OSBPL8: variants seen among roughly 807,000 people sequenced by gnomAD.
OSBPL8 encodes the protein oxysterol binding protein like 8, also known as oxysterol-binding protein-related protein 8.
Under a neutral mutation model 125.5 loss-of-function variants are expected in OSBPL8, and 59 were observed. That is an observed-to-expected ratio of 0.47 (90% CI 0.38 to 0.58). The LOEUF is 0.58. Among genes scored for constraint, OSBPL8 ranks in the 20% least tolerant of loss-of-function variants. The pLI is 0.00. For synonymous variants in OSBPL8, 330 were observed against 338.9 expected (o/e 0.97, Z 0.29); for missense variants, 758 against 1,047.8 (o/e 0.72, Z 3.82).
chr12:76,390,495 T>A lies in OSBPL8; in HGVS notation c.1092A>T (p.Ser364=), dbSNP rs1156419281. 1.9e-6 allele frequency: 3 copies of A among 1,613,968 alleles called. No individual in the cohort carries two copies. Among genetic ancestry groups the A allele is most frequent in the East Asian group, 2.2e-5 (1 of 44,834 alleles). Residue 364 remains serine, a synonymous_variant, in exon 11 of 24, where the codon TCA becomes TCT. Transcript: ENST00000261183. ...GCTCAACAGGCTCAGGTTCGATATA[T>A]GAGTCATCTTGTCTTTCTGATGTAT... ...DTDTSERQDD[S]YIEPEPVEPL... is the part of the protein sequence containing the mutation.
intron 4 of OSBPL8, among the ~76,000 whole-genome samples, chr12:76,446,769 A>T (rs2136697755): frequency 6.6e-6 from 1 of 152,232 alleles, no homozygotes; most frequent in Non-Finnish European, 1.5e-5. Context: ...ATTCATTTTA[A>T]ACCTTAATAA....
intron 1 of OSBPL8, among the ~76,000 whole-genome samples, chr12:76,525,177 A>C (rs919069081): frequency 6.6e-6 from 1 of 152,146 alleles, no homozygotes; most frequent in Non-Finnish European, 1.5e-5. Flanking sequence ...GATACGAATA[A>C]ATTTTTAAAA....
intron 4 of OSBPL8, among the ~76,000 whole-genome samples, chr12:76,438,348 G>A (rs1365727669): frequency 3.4e-5 from 5 of 148,280 alleles, no homozygotes; most frequent in Non-Finnish European, 5.9e-5. Context: ...TGTCGCTCAC[G>A]CTGGAGAGCA....
At chr12:76,485,769 C>A (rs1214955143) in intron 2 of OSBPL8, among the ~76,000 whole-genome samples, 1 of 152,126 alleles carries the variant, frequency 6.6e-6, no homozygotes, top group East Asian at 1.9e-4. Flanking sequence ...CCTCTCTGAG[C>A]CTATTTCCCT....
At chr12:76,455,797 T>C (rs1036169548) in intron 3 of OSBPL8, among the ~76,000 whole-genome samples, 18 of 152,222 alleles carry the variant, frequency 1.2e-4, no homozygotes, top group African/African-American at 4.1e-4. Flanking sequence ...GACAGTGACT[T>C]TTTTTCTGTA....
chr12:76,415,552 C>A (rs1868537040), intron 4 of OSBPL8, among the ~76,000 whole-genome samples: 1 of 152,060 alleles, frequency 6.6e-6, no homozygotes, highest in Admixed American at 6.5e-5. Flanking sequence ...CCATGCCCAG[C>A]CTCTGATTTA....
chr12:76,552,409 G>C (rs1425237429), intron 1 of OSBPL8, among the ~76,000 whole-genome samples: 2 of 110,156 alleles, frequency 1.8e-5, no homozygotes, highest in East Asian at 2.9e-4. Context: ...CTGAGCAACA[G>C]AGCGATACCC....
At chr12:76,548,322 A>G (rs1950839025) in intron 1 of OSBPL8, among the ~76,000 whole-genome samples, 1 of 152,192 alleles carries the variant, frequency 6.6e-6, no homozygotes, top group Admixed American at 6.6e-5. Flanking sequence ...TAAGAGTGAC[A>G]TGGAAAGGAT....
intron 1 of OSBPL8, among the ~76,000 whole-genome samples, chr12:76,530,765 G>A (rs1256609412): frequency 6.6e-6 from 1 of 152,070 alleles, no homozygotes; most frequent in Non-Finnish European, 1.5e-5. Flanking sequence ...CAGAGATAAG[G>A]AGCTAACTTT....
intron 1 of OSBPL8, among the ~76,000 whole-genome samples, chr12:76,543,185 C>T (rs1950692910): frequency 6.6e-6 from 1 of 152,078 alleles, no homozygotes; most frequent in Non-Finnish European, 1.5e-5. Context: ...ACTGAATTTT[C>T]AGCCGCTTAC....
chr12:76,526,654 T>C (rs1307476012), intron 1 of OSBPL8, among the ~76,000 whole-genome samples: 2 of 121,494 alleles, frequency 1.6e-5, no homozygotes, highest in Non-Finnish European at 3.2e-5. Context: ...TTTTTTTTTT[T>C]TTTTTTTTTT....
At chr12:76,356,942 T>C (rs976201263) in intron 22 of OSBPL8, among the ~76,000 whole-genome samples, 6 of 152,208 alleles carry the variant, frequency 3.9e-5, no homozygotes, top group African/African-American at 1.2e-4. Flanking sequence ...ATTAGTTGAA[T>C]TTTGGATGGC....
At chr12:76,462,324 G>A (rs1398652642) in intron 2 of OSBPL8, among the ~76,000 whole-genome samples, 3 of 151,902 alleles carry the variant, frequency 2.0e-5, no homozygotes, top group Non-Finnish European at 4.4e-5. Context: ...CTAAATATTT[G>A]CTCCAAAAAT....
At chr12:76,531,925 TA>T (rs1950349538) in intron 1 of OSBPL8, among the ~76,000 whole-genome samples, 1 of 150,902 alleles carries the variant, frequency 6.6e-6, no homozygotes, top group Non-Finnish European at 1.5e-5. Flanking sequence ...TAGTCCCAGC[TA>T]CTCAGGCGGC....
chr12:76,395,955 ATTTAT>A (rs1953775987), intron 8 of OSBPL8, among the ~76,000 whole-genome samples: 1 of 151,420 alleles, frequency 6.6e-6, no homozygotes, highest in Non-Finnish European at 1.5e-5. Context: ...TGGCTTAAAA[ATTTAT>A]TTTAATGCTT....
chr12:76,456,908 C>T (rs1874119286), intron 3 of OSBPL8, among the ~76,000 whole-genome samples: 1 of 152,178 alleles, frequency 6.6e-6, no homozygotes. Context: ...CAGCTGCAGA[C>T]CTCAATCTAG....
At chr12:76,437,777 T>C (rs758313455) in intron 4 of OSBPL8, among the ~76,000 whole-genome samples, 20 of 152,328 alleles carry the variant, frequency 1.3e-4, no homozygotes, top group African/African-American at 9.6e-5. Flanking sequence ...AATTTTCCTA[T>C]CGTAAACATG....
intron 23 of OSBPL8, 22 bp from the exon 24 acceptor site, chr12:76,356,043 A>C: frequency 6.3e-7 from 1 of 1,596,056 alleles, no homozygotes; most frequent in South Asian, 1.1e-5. Context: ...AGCAACAACA[A>C]ATTTTGTAAT....
rs549764294 is a variant in OSBPL8 at position 76,422,106 on chromosome 12, T to C, written c.218-11472A>G. 5.3e-5 allele frequency among the ~76,000 whole-genome samples: 8 copies of C among 152,198 alleles called. 1 individual carries two copies. In the East Asian group the frequency reaches 1.5e-3, roughly 29 times the overall value. On this transcript the variant is annotated intron_variant, in intron 4 of 23. Coordinates refer to ENST00000261183, the MANE Select transcript of OSBPL8 (RefSeq NM_020841.5). ...CATTAAACATCAACTTTAATATAGTTACCATTCTGCAAAAAATGAACAAAT... is the reference window on the plus strand; with the variant it reads ...CATTAAACATCAACTTTAATATAGTCACCATTCTGCAAAAAATGAACAAAT...
Sources: gnomAD v4.1 joint callset for allele counts (sites outside exome capture counted in the v4.1 genomes callset) on GRCh38, gnomAD v4.1.1 for gene constraint, MANE v1.5 for transcripts, NCBI Gene and HGNC (gene_info 2026-07-23, HGNC 2026-07-21) for gene names.